XPNPEP1: variants seen among roughly 807,000 people sequenced by gnomAD.
The protein encoded by XPNPEP1 is xaa-Pro aminopeptidase 1.
In XPNPEP1, 39 loss-of-function variants were observed where a neutral mutation model predicts 92.4. That is an observed-to-expected ratio of 0.42 (90% confidence interval 0.33 to 0.55). The LOEUF is 0.55. XPNPEP1 is among the 20% of genes least tolerant of loss of function. The pLI is 0.08. For synonymous variants in XPNPEP1, 307 were observed against 299.4 expected, an observed-to-expected ratio of 1.03 and a Z score of -0.26; for missense variants, 654 against 856.1, an observed-to-expected ratio of 0.76 and a Z score of 2.95.
rs748655089 is a variant in XPNPEP1 at position 109,923,476 on chromosome 10, C to T, written c.-43G>A. 7.3e-7 allele frequency: 1 copy of T among 1,369,980 alleles called. No homozygotes were observed. The highest frequency in any genetic ancestry group is 1.5e-5 in the South Asian group (1 of 66,650). The allele number at this position is 1,369,980 out of a possible 1,614,324, so 84.9% of individuals were successfully genotyped here. The stretch of plus-strand genomic sequence containing the variant: ...CAGCCCACGTCAGGGGAGCGCAGAC[C>T]AGCTGATCACCCGCGGAAGGGCCGG... On this transcript the variant is annotated 5_prime_UTR_variant, in exon 1 of 21. Coordinates refer to ENST00000502935, the MANE Select transcript of XPNPEP1 (RefSeq NM_020383.4).
chr10:109,908,342 C>T (rs759135718), intron 2 of XPNPEP1, among the ~76,000 whole-genome samples: 4 of 152,254 alleles, frequency 2.6e-5, no homozygotes, highest in African/African-American at 7.2e-5. Flanking sequence ...CAGTGGCTCA[C>T]GCCTTTAATT....
chr10:109,901,376 G>C (rs183073567), intron 3 of XPNPEP1, among the ~76,000 whole-genome samples: 3 of 152,078 alleles, frequency 2.0e-5, no homozygotes, highest in Non-Finnish European at 2.9e-5. Flanking sequence ...AAACCTGCAC[G>C]TTGTGCTCAT....
At chr10:109,892,784 T>C (rs1434734659) in intron 4 of XPNPEP1, among the ~76,000 whole-genome samples, 3 of 152,178 alleles carry the variant, frequency 2.0e-5, no homozygotes. Flanking sequence ...AAATAAAAAT[T>C]GTTAAAACTT....
intron 3 of XPNPEP1, among the ~76,000 whole-genome samples, chr10:109,896,644 T>A (rs1849009322): frequency 6.6e-6 from 1 of 152,012 alleles, no homozygotes; most frequent in East Asian, 1.9e-4. Flanking sequence ...CCCAAGCATA[T>A]AAGTTCCATG....
At chr10:109,916,978 CAA>C (rs1850228048) in intron 1 of XPNPEP1, among the ~76,000 whole-genome samples, 1 of 152,112 alleles carries the variant, frequency 6.6e-6, no homozygotes, top group Non-Finnish European at 1.5e-5. Context: ...CTCAACCTGA[CAA>C]AAGTTATTAC....
intron 1 of XPNPEP1, among the ~76,000 whole-genome samples, chr10:109,921,197 A>C (rs1850518366): frequency 1.3e-5 from 2 of 152,230 alleles, no homozygotes; most frequent in African/African-American, 4.8e-5. Flanking sequence ...CTCAGGGACT[A>C]TCCAACTCAA....
At chr10:109,894,264 G>C (rs1287934772) in intron 3 of XPNPEP1, among the ~76,000 whole-genome samples, 1 of 152,150 alleles carries the variant, frequency 6.6e-6, no homozygotes, top group Non-Finnish European at 1.5e-5. Flanking sequence ...AGGCACAGTG[G>C]CTCATGCCTG....
intron 8 of XPNPEP1, chr10:109,884,449 C>T (rs1848280701): frequency 7.0e-6 from 2 of 284,886 alleles, no homozygotes; most frequent in South Asian, 1.7e-4. Context: ...TGAAATGATC[C>T]GCCTAGTGGT....
At chr10:109,897,570 T>C (rs904842613) in intron 3 of XPNPEP1, among the ~76,000 whole-genome samples, 16 of 151,976 alleles carry the variant, frequency 1.1e-4, no homozygotes, top group Admixed American at 5.2e-4. Context: ...AATCTACAGA[T>C]GAAAAAAATG....
chr10:109,888,454 T>C, intron 6 of XPNPEP1, 49 bp downstream of exon 6: 1 of 1,537,662 alleles, frequency 6.5e-7, no homozygotes, highest in South Asian at 1.2e-5. Flanking sequence ...TGGAGGGGAA[T>C]CTAGAAGCCA....
intron 6 of XPNPEP1, 96 bp downstream of exon 6, chr10:109,888,407 C>T: frequency 3.0e-6 from 4 of 1,322,292 alleles, no homozygotes; most frequent in Non-Finnish European, 4.1e-6. Context: ...ATGCTGAGCC[C>T]CCCAGTGCTC....
In XPNPEP1 at chr10:109,871,844, G is replaced by A. The variant is rs1169803480; in HGVS notation, c.1470C>T (p.Val490=). Residue 490 remains valine (V), a synonymous_variant, in exon 17 of 21, where the codon GTC becomes GTT. Coordinates refer to ENST00000502935, the MANE Select transcript of XPNPEP1 (RefSeq NM_020383.4). ...TAYEKECFTY[V]LKGHIAVSAA... ...CACTCACAGCTATGTGGCCCTTGAG[G>A]ACATATGTGAAGCATTCCTGCAAAG... The A allele has an allele frequency of 6.2e-7, 1 of 1,614,142 alleles. No homozygotes were observed. The highest frequency in any genetic ancestry group is 1.1e-5 in the South Asian group (1 of 91,070).
chr10:109,896,253 C>T (rs1848980730), intron 3 of XPNPEP1, among the ~76,000 whole-genome samples: 1 of 151,650 alleles, frequency 6.6e-6, no homozygotes, highest in Admixed American at 6.6e-5. Context: ...GTATAGCACA[C>T]ACATACTCTA....
chr10:109,918,019 G>T (rs1012483751), intron 1 of XPNPEP1, among the ~76,000 whole-genome samples: 5 of 151,948 alleles, frequency 3.3e-5, no homozygotes, highest in Admixed American at 3.3e-4. Flanking sequence ...AGGCTGAGGT[G>T]GGGTGGATCA....
chr10:109,877,686 T>C lies in XPNPEP1; in HGVS notation c.1319+104A>G. On this transcript the variant is annotated intron_variant, in intron 14 of 20. Coordinates refer to ENST00000502935, the MANE Select transcript of XPNPEP1 (RefSeq NM_020383.4). ...TCATTTTACAGTCTCAACAGACAGA[T>C]GAAGGTGGGCACAGAGGCCTCTGGT... The C allele has an allele frequency of 2.3e-6, 3 of 1,327,556 alleles. No homozygotes were observed. The South Asian group carries it at 3.5e-5, about 16-fold the overall frequency. The allele number at this position is 1,327,556 out of a possible 1,614,324, so 82.2% of individuals were successfully genotyped here. A position where few individuals can be genotyped will look rare whatever the true frequency, so the allele number is the denominator to read the frequency against.
chr10:109,869,844 C>A, intron 19 of XPNPEP1, 109 bp downstream of exon 19: 1 of 1,149,778 alleles, frequency 8.7e-7, no homozygotes, highest in Non-Finnish European at 1.3e-6. Flanking sequence ...CACTAAGAAA[C>A]AGGAAAATTT....
intron 3 of XPNPEP1, among the ~76,000 whole-genome samples, chr10:109,904,785 A>G (rs1259804173): frequency 6.6e-6 from 1 of 152,232 alleles, no homozygotes. Context: ...GAAGTGGAAG[A>G]ACTGGAATGC....
In XPNPEP1 at chr10:109,923,484, C is replaced by T. The variant is rs1468966561; in HGVS notation, c.-51G>A. 2 of 1,354,982 alleles carry T rather than the reference C, an allele frequency of 1.5e-6. No individual in the cohort carries two copies. Among genetic ancestry groups the T allele is most frequent in the African/African-American group, 1.5e-5 (1 of 65,514 alleles). The allele number at this position is 1,354,982 out of a possible 1,614,324, so 83.9% of individuals were successfully genotyped here. ...GTCAGGGGAGCGCAGACCAGCTGAT[C>T]ACCCGCGGAAGGGCCGGCGCGAAGG... On this transcript the variant is annotated 5_prime_UTR_variant, in exon 1 of 21. Transcript: ENST00000502935.
chr10:109,878,077 T>A lies in XPNPEP1; in HGVS notation c.1183-19A>T. On this transcript the variant is annotated intron_variant, in intron 12 of 20. Transcript: ENST00000502935. ...TGGGAACCTATGAGAAAATTGCTTA[T>A]AAATCATCTGGTGAGATAAATTCAT... is the stretch of plus-strand genomic sequence containing the variant. The A allele has an allele frequency of 6.2e-7, 1 of 1,614,102 alleles. No homozygotes were observed. Among genetic ancestry groups the A allele is most frequent in the Middle Eastern group, 1.7e-4 (1 of 6,060 alleles).
Sources: allele counts gnomAD v4.1 joint callset (sites outside exome capture counted in the v4.1 genomes callset), GRCh38; gene constraint gnomAD v4.1.1; transcripts MANE v1.5; gene names NCBI Gene and HGNC (gene_info 2026-07-23, HGNC 2026-07-21).